Variants in AZIN1 observed in about 807,000 individuals in gnomAD.
AZIN1 encodes the protein ornithine decarboxylase antizyme inhibitor.
In AZIN1, 12 loss-of-function variants were observed where a neutral mutation model predicts 47.4. That is an observed-to-expected ratio of 0.25 (90% confidence interval 0.16 to 0.41). The LOEUF is 0.41. AZIN1 is among the 10% of genes least tolerant of loss of function. The probability of loss-of-function intolerance (pLI) is 1.00; values close to 1 mark genes in which losing one functional copy is unlikely to be tolerated. For synonymous variants in AZIN1, 155 were observed against 176.3 expected, an observed-to-expected ratio of 0.88 and a Z score of 0.96; for missense variants, 410 against 532.4, an observed-to-expected ratio of 0.77 and a Z score of 2.26.
chr8:102,854,626 A>ATATATTTT (rs748560222), intron 2 of AZIN1: 3 of 136,700 alleles, frequency 2.2e-5, no homozygotes, highest in Admixed American at 1.5e-4. Flanking sequence ...ATATATATAT[A>ATATATTTT]TTTTTTTTCC....
At chr8:102,848,213 A>T (rs1343841604) in intron 2 of AZIN1, among the ~76,000 whole-genome samples, 2 of 151,838 alleles carry the variant, frequency 1.3e-5, no homozygotes, top group African/African-American at 4.8e-5. Context: ...TGTTCAAACA[A>T]CCACAATGTC....
chr8:102,836,228 G>A (rs775353862), intron 6 of AZIN1, 28 bp downstream of exon 6: 1 of 1,604,428 alleles, frequency 6.2e-7, no homozygotes, highest in South Asian at 1.1e-5. Context: ...AATGTTCACA[G>A]CTTTAAAAGT....
chr8:102,862,897 G>A (rs756026610), intron 1 of AZIN1, among the ~76,000 whole-genome samples: 3 of 152,220 alleles, frequency 2.0e-5, no homozygotes, highest in African/African-American at 2.4e-5. Context: ...ACCGTGTAAG[G>A]GTTAGAACAT....
intron 2 of AZIN1, among the ~76,000 whole-genome samples, chr8:102,844,390 G>T (rs999523110): frequency 6.6e-6 from 1 of 152,110 alleles, no homozygotes; most frequent in African/African-American, 2.4e-5. Context: ...AATAAAAATG[G>T]GTGAGAGTGG....
At chr8:102,838,950 T>C (rs763102393) in intron 4 of AZIN1, 34 bp from the exon 5 acceptor site, 6 of 1,577,136 alleles carry the variant, frequency 3.8e-6, no homozygotes, top group Admixed American at 3.5e-5. Context: ...GAATACATAA[T>C]GTCACAGTTC....
chr8:102,863,052 G>A (rs1186768484), intron 1 of AZIN1, among the ~76,000 whole-genome samples: 3 of 152,228 alleles, frequency 2.0e-5, no homozygotes, highest in South Asian at 2.1e-4. Context: ...AGGTGACTGG[G>A]GTGAGTGAAG....
intron 2 of AZIN1, among the ~76,000 whole-genome samples, chr8:102,850,412 A>G (rs148992985): frequency 8.5e-4 from 130 of 152,310 alleles, no homozygotes; most frequent in African/African-American, 2.7e-3. Flanking sequence ...TCCCCTCTGC[A>G]TTCTACCTAC....
chr8:102,829,172 G>A, intron 11 of AZIN1, 100 bp downstream of exon 11: 1 of 1,034,622 alleles, frequency 9.7e-7, no homozygotes, highest in Non-Finnish European at 1.4e-6. Flanking sequence ...ATACATGACT[G>A]TACTTCTAAG....
intron 3 of AZIN1, among the ~76,000 whole-genome samples, chr8:102,841,649 T>C (rs550086768): frequency 1.3e-5 from 2 of 149,022 alleles, no homozygotes; most frequent in South Asian, 2.1e-4. Flanking sequence ...GATGAACACG[T>C]CTGCAGACTT....
intron 9 of AZIN1, among the ~76,000 whole-genome samples, chr8:102,831,179 T>C (rs538218884): frequency 7.9e-5 from 12 of 152,044 alleles, no homozygotes; most frequent in African/African-American, 2.2e-4. Flanking sequence ...CTGAGAATAA[T>C]GGAGACATGT....
intron 9 of AZIN1, among the ~76,000 whole-genome samples, chr8:102,831,681 T>C (rs1167846047): frequency 1.3e-5 from 2 of 149,604 alleles, no homozygotes; most frequent in Non-Finnish European, 3.0e-5. Flanking sequence ...GCCAGGTGTA[T>C]TGACTCAAGT....
chr8:102,839,767 AC>A lies in AZIN1; in HGVS notation c.158del (p.Ser53IlefsTer6), dbSNP rs1349498589. 1 of 1,606,280 alleles carries A rather than the reference AC, an allele frequency of 6.2e-7. No homozygotes were observed. Among genetic ancestry groups the A allele is most frequent in the Non-Finnish European group, 8.5e-7 (1 of 1,175,832 alleles). ...TCTGAGCCACTACATTCTGCCATTG[AC>A]TGTGTTTCTTCACAATCTTTCCAAG... Reference protein sequence around the residue: ...GDLGKIVKKHSQWQNVVAQIK... With the variant: ...GDLGKIVKKHXQWQNVVAQIK... On this transcript the variant is annotated frameshift_variant, in exon 4 of 12. Transcript: ENST00000337198. LOFTEE classifies it high-confidence loss of function.
In AZIN1 at chr8:102,826,428, T is replaced by C. The variant is rs1056400881; in HGVS notation, c.*2139A>G. On this transcript the variant is annotated 3_prime_UTR_variant, in exon 12 of 12. Coordinates refer to ENST00000337198, the MANE Select transcript of AZIN1 (RefSeq NM_148174.4). ...TACCTTTACAGTTCAATTTACTATA[T>C]AGAAATCATTGGGTTTTATATTTGC... 1 of 152,650 alleles carries C rather than the reference T, an allele frequency of 6.6e-6. No individual in the cohort carries two copies. Among genetic ancestry groups the C allele is most frequent in the Non-Finnish European group, 1.5e-5 (1 of 68,042 alleles). 9.5% of individuals were successfully genotyped at this position (152,650 alleles called of 1,614,324 possible).
Position 102,858,022 on chromosome 8 carries a change from T to C in AZIN1, c.-105A>G. 1 of 399,024 alleles carries C rather than the reference T, an allele frequency of 2.5e-6. No homozygotes were observed. The highest frequency in any genetic ancestry group is 4.4e-6 in the Non-Finnish European group (1 of 226,038). 24.7% of individuals were successfully genotyped at this position (399,024 alleles called of 1,614,324 possible). A position where few individuals can be genotyped will look rare whatever the true frequency, so the allele number is the denominator to read the frequency against. Reference sequence around the variant, plus strand: ...ATGTGCAAATACTTACATGGACAAGTTGGGAGATGGAACCCCCCTATCATC... The same window carrying C: ...ATGTGCAAATACTTACATGGACAAGCTGGGAGATGGAACCCCCCTATCATC... On this transcript the variant is annotated 5_prime_UTR_variant, in exon 2 of 12. Coordinates refer to ENST00000337198, the MANE Select transcript of AZIN1 (RefSeq NM_148174.4).
At chr8:102,841,835 G>A (rs1365583571) in intron 3 of AZIN1, among the ~76,000 whole-genome samples, 3 of 151,194 alleles carry the variant, frequency 2.0e-5, no homozygotes, top group Non-Finnish European at 4.4e-5. Flanking sequence ...ACCAGGCTGG[G>A]CGCGGTGGCT....
At position 102,833,753 on chromosome 8, in the gene AZIN1, A is replaced by AT. The variant is rs11355998; in HGVS notation, c.741+435dup. ...AGCCTGGGCAATATAGAAAGACTCA[A>AT]TTTTTTTTTTTTTTTTTTTTTAAGT... On this transcript the variant is annotated intron_variant, in intron 8 of 11. Transcript: ENST00000337198. 6.3e-3 allele frequency among the ~76,000 whole-genome samples: 824 copies of AT among 130,580 alleles called. 14 individuals carry two copies. Among genetic ancestry groups the AT allele is most frequent in the African/African-American group, 0.023 (780 of 34,400 alleles). 85.7% of individuals were successfully genotyped at this position (130,580 alleles called of 152,430 possible). A position where few individuals can be genotyped will look rare whatever the true frequency, so the allele number is the denominator to read the frequency against.
chr8:102,834,964 T>A (rs1195326116), intron 6 of AZIN1: 6 of 492,300 alleles, frequency 1.2e-5, no homozygotes, highest in Non-Finnish European at 2.1e-5. Context: ...TGTAATTCTA[T>A]AAACAAAAAT....
intron 2 of AZIN1, among the ~76,000 whole-genome samples, chr8:102,849,741 A>G (rs1330404443): frequency 1.3e-5 from 2 of 151,926 alleles, no homozygotes; most frequent in Non-Finnish European, 2.9e-5. Context: ...TATAACCACA[A>G]TACTACTTTT....
In AZIN1 at chr8:102,829,953, A is replaced by C. The variant is rs935775543; in HGVS notation, c.905-17T>G. The C allele has an allele frequency of 1.1e-5, 16 of 1,482,086 alleles. No homozygotes were observed. The highest frequency in any genetic ancestry group is 1.5e-5 in the Non-Finnish European group (16 of 1,075,884). The allele number at this position is 1,482,086 out of a possible 1,614,324, so 91.8% of individuals were successfully genotyped here. A position where few individuals can be genotyped will look rare whatever the true frequency, so the allele number is the denominator to read the frequency against. Reference sequence around the variant, plus strand: ...TTTTTTCTACTGGAATAAAACAGGAAAGGGGAAAATGAATTTTTAATAAAA... The same window carrying C: ...TTTTTTCTACTGGAATAAAACAGGACAGGGGAAAATGAATTTTTAATAAAA... On this transcript the variant is annotated splice_polypyrimidine_tract_variant and intron_variant, in intron 9 of 11. Coordinates refer to ENST00000337198, the MANE Select transcript of AZIN1 (RefSeq NM_148174.4).
Sources: gnomAD v4.1 joint callset for allele counts (sites outside exome capture counted in the v4.1 genomes callset) on GRCh38, gnomAD v4.1.1 for gene constraint, MANE v1.5 for transcripts, NCBI Gene and HGNC (gene_info 2026-07-23, HGNC 2026-07-21) for gene names.